The following RORA variants were observed in gnomAD, a reference collection of about 807,000 sequenced individuals.
RORA encodes the protein nuclear receptor ROR-alpha.
A neutral mutation model predicts 69.5 loss-of-function variants in RORA; 7 were observed. The observed-to-expected ratio is 0.10, with a 90% confidence interval of 0.06 to 0.19. The LOEUF (loss-of-function observed/expected upper bound fraction) is 0.19. RORA is among the 10% of genes least tolerant of loss of function. The probability of loss-of-function intolerance (pLI) is 1.00; values close to 1 mark genes in which losing one functional copy is unlikely to be tolerated. For missense variants in RORA, 457 were observed against 663.0 expected (o/e 0.69, Z 3.41); for synonymous variants, 261 against 240.8 (o/e 1.08, Z -0.78).
intron 2 of RORA, among the ~76,000 whole-genome samples, chr15:60,533,498 T>C (rs535844255): frequency 6.6e-6 from 1 of 152,340 alleles, no homozygotes; most frequent in South Asian, 2.1e-4. Flanking sequence ...TTATGAAATA[T>C]GGTATCTAAT....
chr15:60,637,722 G>C (rs958366297), intron 2 of RORA, among the ~76,000 whole-genome samples: 1 of 151,988 alleles, frequency 6.6e-6, no homozygotes. Flanking sequence ...TTACATATGC[G>C]AGATTATGTT....
At chr15:60,990,988 A>T (rs1203304094) in intron 1 of RORA, among the ~76,000 whole-genome samples, 1 of 152,240 alleles carries the variant, frequency 6.6e-6, no homozygotes, top group Non-Finnish European at 1.5e-5. Flanking sequence ...CATGTCTATT[A>T]AAAAAGCAAA....
chr15:60,764,759 T>A (rs1408797952), intron 1 of RORA: 4 of 152,258 alleles, frequency 2.6e-5, no homozygotes, highest in Non-Finnish European at 4.4e-5. Flanking sequence ...CACTCATTGA[T>A]AAAGCTCGGC....
At chr15:60,595,366 G>A (rs2068643100) in intron 2 of RORA, among the ~76,000 whole-genome samples, 1 of 152,010 alleles carries the variant, frequency 6.6e-6, no homozygotes, top group African/African-American at 2.4e-5. Context: ...ACAAAAATTA[G>A]CCAGGCGTGG....
intron 1 of RORA, among the ~76,000 whole-genome samples, chr15:61,022,095 A>C (rs1045372032): frequency 5.6e-4 from 85 of 152,208 alleles, no homozygotes; most frequent in African/African-American, 2.0e-3. Context: ...TGAAGGCTCT[A>C]AATCAGATTT....
intron 2 of RORA, among the ~76,000 whole-genome samples, chr15:60,668,919 T>C (rs1486956924): frequency 6.6e-6 from 1 of 152,192 alleles, no homozygotes; most frequent in East Asian, 1.9e-4. Context: ...TCCAGCTACA[T>C]GAGGGAAATA....
At chr15:60,502,229 C>T (rs991428231) in intron 8 of RORA, among the ~76,000 whole-genome samples, 7 of 152,232 alleles carry the variant, frequency 4.6e-5, no homozygotes, top group Non-Finnish European at 7.3e-5. Context: ...ATCCGCCTGC[C>T]TTGGCCTCCC....
chr15:60,632,233 G>A (rs2069753707), intron 2 of RORA, among the ~76,000 whole-genome samples: 1 of 151,838 alleles, frequency 6.6e-6, no homozygotes, highest in Non-Finnish European at 1.5e-5. Flanking sequence ...AGCCTCCCAA[G>A]TAGCTGGGAC....
chr15:60,604,395 G>A (rs563908337), intron 2 of RORA, among the ~76,000 whole-genome samples: 1 of 152,128 alleles, frequency 6.6e-6, no homozygotes, highest in Non-Finnish European at 1.5e-5. Flanking sequence ...CCAGTAATGC[G>A]AATGGACTGA....
At chr15:60,598,387 G>A (rs2068743311) in intron 2 of RORA, 2 of 152,182 alleles carry the variant, frequency 1.3e-5, no homozygotes, top group Admixed American at 1.3e-4. Context: ...ACTTATGTGA[G>A]AATTTTCTTC....
intron 1 of RORA, among the ~76,000 whole-genome samples, chr15:60,984,429 G>A (rs1019348163): frequency 1.3e-5 from 2 of 150,670 alleles, no homozygotes; most frequent in Non-Finnish European, 3.0e-5. Context: ...TTTAATATTA[G>A]TATAATAATA....
intron 1 of RORA, among the ~76,000 whole-genome samples, chr15:60,868,332 C>T (rs1030164697): frequency 1.3e-5 from 2 of 152,210 alleles, no homozygotes; most frequent in Admixed American, 6.5e-5. Flanking sequence ...GCAGTAATAG[C>T]ATCTCCCTTG....
rs2069246652 is a variant in RORA at position 60,616,443 on chromosome 15, G to T, written c.196+62214C>A. 2.6e-5 allele frequency among the ~76,000 whole-genome samples: 4 copies of T among 152,166 alleles called. No individual in the cohort carries two copies. The South Asian group carries it at 8.3e-4, about 32-fold the overall frequency. On this transcript the variant is annotated intron_variant, in intron 2 of 10. Transcript: ENST00000335670. ...GCTGTCATTGGTTGGTGAGGATTGA[G>T]AAATTTTGATTTGTTTGTTGTTTTA...
intron 1 of RORA, among the ~76,000 whole-genome samples, chr15:61,114,963 T>C (rs2079037459): frequency 1.3e-5 from 2 of 152,258 alleles, no homozygotes; most frequent in South Asian, 4.1e-4. Context: ...GCTGACTAGT[T>C]ATTTAGCAGT....
intron 1 of RORA, among the ~76,000 whole-genome samples, chr15:60,872,007 T>G (rs2073562145): frequency 6.6e-6 from 1 of 152,216 alleles, no homozygotes; most frequent in Non-Finnish European, 1.5e-5. Flanking sequence ...CTAGAAGTAT[T>G]CCAAAGTAAA....
chr15:61,041,185 A>G (rs1313266265), intron 1 of RORA: 1 of 152,250 alleles, frequency 6.6e-6, no homozygotes, highest in Non-Finnish European at 1.5e-5. Flanking sequence ...TCATCACTAC[A>G]CACATCCCAG....
rs1209417744 is a variant in RORA at position 60,502,223 on chromosome 15, G to A, written c.1183+537C>T. On this transcript the variant is annotated intron_variant, in intron 8 of 10. Coordinates refer to ENST00000335670, the MANE Select transcript of RORA (RefSeq NM_134261.3). ...TCAAACTCCTGACCTCAGGTGATCC[G>A]CCTGCCTTGGCCTCCCAAAGTGCTG... 5.9e-5 allele frequency among the ~76,000 whole-genome samples: 9 copies of A among 152,118 alleles called. No individual in the cohort carries two copies. The East Asian group carries it at 1.5e-3, about 26-fold the overall frequency.
In RORA at chr15:60,511,620, AGCTGG is replaced by A; in HGVS notation, c.425-4_425del. The A allele has an allele frequency of 6.2e-7, 1 of 1,602,010 alleles. No homozygotes were observed. The highest frequency in any genetic ancestry group is 8.5e-7 in the Non-Finnish European group (1 of 1,173,342). On this transcript the variant is annotated splice_acceptor_variant and splice_polypyrimidine_tract_variant and coding_sequence_variant and intron_variant, in exon 5 of 11. Transcript: ENST00000335670. LOFTEE classifies it high-confidence loss of function. The surrounding 1 kb of genome is among the most constrained non-coding windows in gnomAD (Gnocchi z 6.4). ...TTTTTGACATTCGGCCAAATTTTACAGCTGGAAGAAAAAAGCCAAACCATACTACA... is the reference window on the plus strand; with the variant it reads ...TTTTTGACATTCGGCCAAATTTTACAAAGAAAAAAGCCAAACCATACTACA...
intron 1 of RORA, among the ~76,000 whole-genome samples, chr15:60,862,131 T>C (rs2073440528): frequency 1.3e-5 from 2 of 152,252 alleles, no homozygotes; most frequent in African/African-American, 2.4e-5. Context: ...ACATCTGCTA[T>C]ATACAAATCT....
Sources: allele counts gnomAD v4.1 joint callset (sites outside exome capture counted in the v4.1 genomes callset), GRCh38; gene constraint gnomAD v4.1.1; non-coding constraint Gnocchi (gnomAD v3.1); transcripts MANE v1.5; gene names NCBI Gene and HGNC (gene_info 2026-07-23, HGNC 2026-07-21).